SLC16A10: variants seen among roughly 807,000 people sequenced by gnomAD.
SLC16A10 encodes the protein monocarboxylate transporter 10.
In SLC16A10, 27 loss-of-function variants were observed where a neutral mutation model predicts 40.0. The observed-to-expected ratio is 0.67, with a 90% CI of 0.50 to 0.93. The LOEUF is 0.93. Among genes scored for constraint, SLC16A10 ranks in the 40% least tolerant of loss-of-function variants. SLC16A10 has a pLI of 0.00. For synonymous variants in SLC16A10, 213 were observed against 249.8 expected, an observed-to-expected ratio of 0.85 and a Z score of 1.39; for missense variants, 529 against 658.2, an observed-to-expected ratio of 0.80 and a Z score of 2.15.
chr6:111,198,198 G>C (rs1358855824), intron 3 of SLC16A10, among the ~76,000 whole-genome samples: 1 of 152,102 alleles, frequency 6.6e-6, no homozygotes, highest in Non-Finnish European at 1.5e-5. Flanking sequence ...GAGGCAGGAA[G>C]CTCTCTTGAA....
intron 1 of SLC16A10, among the ~76,000 whole-genome samples, chr6:111,168,002 CAG>C (rs1772509994): frequency 6.7e-6 from 1 of 148,848 alleles, no homozygotes; most frequent in African/African-American, 2.5e-5. Context: ...TTTTTTGAAA[CAG>C]AGTCTTACTC....
chr6:111,215,012 G>A (rs781755783), intron 4 of SLC16A10, among the ~76,000 whole-genome samples: 3 of 152,016 alleles, frequency 2.0e-5, no homozygotes, highest in African/African-American at 7.2e-5. Flanking sequence ...CCAGCTACTC[G>A]GGAGGCTGAG....
At position 111,230,258 on chromosome 6, in the gene SLC16A10, G is replaced by C. The variant is rs982046859; in HGVS notation, c.*8023G>C. ...CCAAGTGCTGGAATTACAGGCATGA[G>C]CCACCATGCCCGGCTAGAGAATGAC... On this transcript the variant is annotated 3_prime_UTR_variant, in exon 6 of 6. Coordinates refer to ENST00000368851, the MANE Select transcript of SLC16A10 (RefSeq NM_018593.5). 4.6e-5 allele frequency: 7 copies of C among 151,974 alleles called. No individual in the cohort carries two copies. Among genetic ancestry groups the C allele is most frequent in the Admixed American group, 1.3e-4 (2 of 15,272 alleles). The allele number at this position is 151,974 out of a possible 1,614,324, so 9.4% of individuals were successfully genotyped here.
At chr6:111,153,989 G>C (rs1772223636) in intron 1 of SLC16A10, among the ~76,000 whole-genome samples, 1 of 152,188 alleles carries the variant, frequency 6.6e-6, no homozygotes, top group South Asian at 2.1e-4. Context: ...TGTAGAGAAA[G>C]TAGATGTTTG....
rs78189105 is a variant in SLC16A10, at chr6:111,095,661, T to C, written c.343+7566T>C. Among the ~76,000 whole-genome samples the C allele has an allele frequency of 9.8e-4, 150 of 152,298 alleles. 3 individuals carry two copies. The highest frequency in any genetic ancestry group is 4.4e-5 in the Non-Finnish European group (3 of 68,028). On this transcript the variant is annotated intron_variant, in intron 1 of 5. Coordinates refer to ENST00000368851, the MANE Select transcript of SLC16A10 (RefSeq NM_018593.5). ...GAGGTAATTACCTGGTGGGAGGTAA[T>C]TGAATCATGGGGGCAGGTTTTCCTG...
chr6:111,108,261 T>C (rs999580254), intron 1 of SLC16A10, among the ~76,000 whole-genome samples: 5 of 152,070 alleles, frequency 3.3e-5, no homozygotes, highest in African/African-American at 1.2e-4. Context: ...CTCAGGTGAT[T>C]CACCTGTCTC....
chr6:111,130,202 C>T (rs1248844921), intron 1 of SLC16A10, among the ~76,000 whole-genome samples: 1 of 152,206 alleles, frequency 6.6e-6, no homozygotes, highest in Non-Finnish European at 1.5e-5. Context: ...CATGTTAGTA[C>T]TGTAGCATGT....
intron 3 of SLC16A10, among the ~76,000 whole-genome samples, chr6:111,197,959 G>C (rs1773106987): frequency 6.6e-6 from 1 of 152,154 alleles, no homozygotes; most frequent in Admixed American, 6.5e-5. Context: ...TTCAACATGA[G>C]ATATGGAAGG....
chr6:111,090,414 C>T (rs1305100872), intron 1 of SLC16A10, among the ~76,000 whole-genome samples: 1 of 152,170 alleles, frequency 6.6e-6, no homozygotes. Context: ...GCCCTATGCA[C>T]TTGTAATGGC....
intron 3 of SLC16A10, among the ~76,000 whole-genome samples, chr6:111,180,197 G>C: frequency 6.6e-6 from 1 of 152,296 alleles, no homozygotes; most frequent in East Asian, 1.9e-4. Flanking sequence ...TGCAGTACCT[G>C]TGGTGTATCC....
At chr6:111,150,476 A>T (rs1415247768) in intron 1 of SLC16A10, among the ~76,000 whole-genome samples, 1 of 152,132 alleles carries the variant, frequency 6.6e-6, no homozygotes, top group Non-Finnish European at 1.5e-5. Flanking sequence ...CATCAATATC[A>T]TCATCATCAT....
intron 3 of SLC16A10, among the ~76,000 whole-genome samples, chr6:111,199,000 T>C (rs1458853419): frequency 6.6e-6 from 1 of 152,204 alleles, no homozygotes; most frequent in East Asian, 1.9e-4. Context: ...AGTCAGTCAG[T>C]CATGCAGGTA....
At chr6:111,108,789 A>G (rs889651209) in intron 1 of SLC16A10, among the ~76,000 whole-genome samples, 1 of 152,188 alleles carries the variant, frequency 6.6e-6, no homozygotes, top group Non-Finnish European at 1.5e-5. Context: ...CTTATTTATC[A>G]TAATCAAAAT....
chr6:111,116,922 A>G (rs1235856514), intron 1 of SLC16A10, among the ~76,000 whole-genome samples: 2 of 152,228 alleles, frequency 1.3e-5, no homozygotes, highest in Admixed American at 6.5e-5. Context: ...CCCTTTGAAG[A>G]TAAAACTAAA....
intron 1 of SLC16A10, among the ~76,000 whole-genome samples, chr6:111,145,966 T>C (rs1300545451): frequency 6.6e-6 from 1 of 152,152 alleles, no homozygotes; most frequent in Non-Finnish European, 1.5e-5. Flanking sequence ...TAATTGGACT[T>C]CATCAAAATT....
intron 1 of SLC16A10, among the ~76,000 whole-genome samples, chr6:111,138,377 C>A (rs1771920041): frequency 6.6e-6 from 1 of 152,188 alleles, no homozygotes; most frequent in Non-Finnish European, 1.5e-5. Context: ...GATGATTTGC[C>A]TATTTTTCCA....
intron 4 of SLC16A10, among the ~76,000 whole-genome samples, chr6:111,207,726 C>T (rs1773278801): frequency 6.6e-6 from 1 of 150,846 alleles, no homozygotes; most frequent in South Asian, 2.1e-4. Flanking sequence ...GAAGCATGCT[C>T]CGAGCAGAGA....
chr6:111,134,194 T>C (rs1321013540), intron 1 of SLC16A10, among the ~76,000 whole-genome samples: 1 of 152,124 alleles, frequency 6.6e-6, no homozygotes, highest in Non-Finnish European at 1.5e-5. Flanking sequence ...AATCAGAAGA[T>C]GGAGATTGGT....
chr6:111,167,378 A>G (rs944355525), intron 1 of SLC16A10, among the ~76,000 whole-genome samples: 2 of 152,186 alleles, frequency 1.3e-5, no homozygotes, highest in Admixed American at 6.5e-5. Context: ...CTGGGCAAGT[A>G]TCTGAGCTGG....
Sources: allele counts gnomAD v4.1 joint callset (sites outside exome capture counted in the v4.1 genomes callset), GRCh38; gene constraint gnomAD v4.1.1; transcripts MANE v1.5; gene names NCBI Gene and HGNC (gene_info 2026-07-23, HGNC 2026-07-21).